CHRNA7: variants seen among roughly 807,000 people sequenced by gnomAD.
CHRNA7 encodes the protein cholinergic receptor nicotinic alpha 7 subunit.
CHRNA7 carries 17 observed loss-of-function variants against 48.0 expected under a neutral mutation model. That is an observed-to-expected ratio of 0.35 (90% CI 0.24 to 0.53). The LOEUF (loss-of-function observed/expected upper bound fraction) is 0.53, where lower values mean the gene tolerates loss of function less well. Ranked by LOEUF, CHRNA7 falls within the 20% of genes least tolerant of loss-of-function variation. The pLI, the probability that CHRNA7 is intolerant of heterozygous loss-of-function variation, is 0.92. For missense variants in CHRNA7, 155 were observed against 577.7 expected (o/e 0.27, Z 7.50); for synonymous variants, 75 against 242.3 (o/e 0.31, Z 6.41).
intron 2 of CHRNA7, among the ~76,000 whole-genome samples, chr15:32,037,409 G>A (rs566604913): frequency 1.3e-5 from 2 of 152,018 alleles, no homozygotes; most frequent in African/African-American, 4.8e-5. Context: ...GGCTATTCTG[G>A]GTCTTTTGCG....
chr15:32,143,020 AT>A (rs2051413839), intron 4 of CHRNA7, among the ~76,000 whole-genome samples: 1 of 152,020 alleles, frequency 6.6e-6, no homozygotes, highest in Non-Finnish European at 1.5e-5. Context: ...TAGGATGTCA[AT>A]TTTAGATCTT....
intron 2 of CHRNA7, among the ~76,000 whole-genome samples, chr15:32,098,034 C>T (rs552245897): frequency 3.3e-5 from 5 of 152,308 alleles, no homozygotes; most frequent in South Asian, 4.1e-4. Context: ...GTCCTTCTGC[C>T]GGGGGCCAGA....
At chr15:32,091,109 T>A (rs371998039) in intron 2 of CHRNA7, among the ~76,000 whole-genome samples, 2 of 152,192 alleles carry the variant, frequency 1.3e-5, no homozygotes, top group African/African-American at 4.8e-5. Context: ...TTTTTACCCC[T>A]AGAATATCTT....
chr15:32,051,660 G>T (rs7178829), intron 2 of CHRNA7, among the ~76,000 whole-genome samples: 1 of 152,014 alleles, frequency 6.6e-6, no homozygotes, highest in Admixed American at 6.5e-5. Flanking sequence ...CACCGACTGT[G>T]CTGCGCCCAC....
intron 9 of CHRNA7, chr15:32,166,677 TC>T (rs1360688633): frequency 6.8e-6 from 1 of 147,836 alleles, no homozygotes; most frequent in African/African-American, 2.6e-5. Context: ...GTAAATGAAA[TC>T]AGGATCTGGA....
intron 4 of CHRNA7, chr15:32,112,153 T>C (rs1195483979): frequency 3.3e-6 from 2 of 612,980 alleles, no homozygotes; most frequent in Non-Finnish European, 6.1e-6. Context: ...AGTTGTATGT[T>C]CTCGGGGCCT....
chr15:32,049,775 C>A (rs191850854), intron 2 of CHRNA7, among the ~76,000 whole-genome samples: 2 of 152,100 alleles, frequency 1.3e-5, no homozygotes, highest in Non-Finnish European at 1.5e-5. Flanking sequence ...GATTTTGCAG[C>A]AGCTAGTACC....
At chr15:32,046,407 C>A (rs918953152) in intron 2 of CHRNA7, among the ~76,000 whole-genome samples, 12 of 148,190 alleles carry the variant, frequency 8.1e-5, no homozygotes, top group African/African-American at 3.1e-4. Flanking sequence ...ATTTGCATTT[C>A]TCTGATGGCC....
chr15:32,111,521 G>A, intron 3 of CHRNA7: 1 of 336,292 alleles, frequency 3.0e-6, no homozygotes, highest in Non-Finnish European at 5.3e-6. Context: ...AGAAGGCTCG[G>A]GGACATGCAG....
chr15:32,134,099 C>A (rs967777420), intron 4 of CHRNA7, among the ~76,000 whole-genome samples: 1 of 151,868 alleles, frequency 6.6e-6, no homozygotes, highest in African/African-American at 2.4e-5. Context: ...TTCTCTCCTG[C>A]GTCCTCCTCC....
At chr15:32,047,146 T>C (rs11632481) in intron 2 of CHRNA7, among the ~76,000 whole-genome samples, 108,140 of 121,990 alleles carry the variant, frequency 0.89, 49,269 homozygotes, top group South Asian at 0.95. Flanking sequence ...ATTGACTTGG[T>C]GATGCGGGCT....
At chr15:32,144,164 T>A (rs1235234332) in intron 4 of CHRNA7, among the ~76,000 whole-genome samples, 1 of 152,194 alleles carries the variant, frequency 6.6e-6, no homozygotes, top group African/African-American at 2.4e-5. Context: ...ATTTTATTTC[T>A]CCTTCACTTA....
chr15:32,124,050 A>T (rs925655254), intron 4 of CHRNA7, among the ~76,000 whole-genome samples: 9 of 152,090 alleles, frequency 5.9e-5, no homozygotes, highest in African/African-American at 2.2e-4. Flanking sequence ...TAATCACAAA[A>T]ATTCAAATGG....
intron 4 of CHRNA7, among the ~76,000 whole-genome samples, chr15:32,121,599 G>A (rs1193902573): frequency 6.6e-6 from 1 of 152,152 alleles, no homozygotes; most frequent in Non-Finnish European, 1.5e-5. Context: ...GAAAGATCTG[G>A]AAGAGAGAGA....
intron 2 of CHRNA7, among the ~76,000 whole-genome samples, chr15:32,075,184 A>G (rs778982460): frequency 1.9e-4 from 29 of 152,072 alleles, no homozygotes; most frequent in Non-Finnish European, 3.7e-4. Context: ...TCTTTTTTAT[A>G]CTTTCTTTGT....
intron 2 of CHRNA7, among the ~76,000 whole-genome samples, chr15:32,069,156 C>G (rs937914007): frequency 3.9e-5 from 6 of 152,100 alleles, no homozygotes; most frequent in African/African-American, 1.4e-4. Context: ...CTATAGGACA[C>G]TCCACAGAAA....
At chr15:32,116,344 CCAT>C (rs1566850998) in intron 4 of CHRNA7, among the ~76,000 whole-genome samples, 1 of 152,172 alleles carries the variant, frequency 6.6e-6, no homozygotes, top group Non-Finnish European at 1.5e-5. Context: ...TGCAAAACAG[CCAT>C]CTCTGCATCA....
At chr15:32,140,860 A>G (rs1490334143) in intron 4 of CHRNA7, among the ~76,000 whole-genome samples, 1 of 152,100 alleles carries the variant, frequency 6.6e-6, no homozygotes, top group Non-Finnish European at 1.5e-5. Flanking sequence ...ATTTTCTCCC[A>G]TTCTCTAGGT....
Position 32,084,730 on chromosome 15 carries a change from G to A in CHRNA7, c.196-16573G>A, listed in dbSNP as rs1432397774. Among the ~76,000 whole-genome samples, 5 of 152,184 alleles carry A rather than the reference G, an allele frequency of 3.3e-5. No homozygotes were observed. The East Asian group carries it at 5.8e-4, about 18-fold the overall frequency. On this transcript the variant is annotated intron_variant, in intron 2 of 9. Transcript: ENST00000306901. ...GGCTACTTTACTCGAGTGCAGCCTC[G>A]CTGACTGCTCATGCTAGTGCATTAG...
Sources: gnomAD v4.1 joint callset for allele counts (sites outside exome capture counted in the v4.1 genomes callset) on GRCh38, gnomAD v4.1.1 for gene constraint, MANE v1.5 for transcripts, NCBI Gene and HGNC (gene_info 2026-07-23, HGNC 2026-07-21) for gene names.